SPECC1: variants seen among roughly 807,000 people sequenced by gnomAD.
SPECC1 encodes the protein sperm antigen with calponin homology and coiled-coil domains 1.
In SPECC1, 62 loss-of-function variants were observed where a neutral mutation model predicts 104.1. That is an observed-to-expected ratio of 0.60 (90% CI 0.49 to 0.74). SPECC1 has a LOEUF of 0.74. Ranked by LOEUF, SPECC1 falls within the 30% of genes least tolerant of loss-of-function variation. The pLI, the probability that SPECC1 is intolerant of heterozygous loss-of-function variation, is 0.00. For missense variants in SPECC1, 1,306 were observed against 1,310.5 expected, an observed-to-expected ratio of 1.00 and a Z score of 0.05; for synonymous variants, 513 against 501.6, an observed-to-expected ratio of 1.02 and a Z score of -0.30.
At chr17:20,071,142 C>T (rs1282259360) in intron 1 of SPECC1, among the ~76,000 whole-genome samples, 1 of 152,084 alleles carries the variant, frequency 6.6e-6, no homozygotes, top group Non-Finnish European at 1.5e-5. Context: ...AGCAATCCTC[C>T]CTCCTCAGCC....
At chr17:20,307,425 A>G (rs1213054908) in intron 14 of SPECC1, among the ~76,000 whole-genome samples, 2 of 152,048 alleles carry the variant, frequency 1.3e-5, no homozygotes, top group African/African-American at 4.8e-5. Context: ...CATCACTTCC[A>G]CCTACAGGGC....
At chr17:20,162,504 A>G (rs755946538) in intron 3 of SPECC1, among the ~76,000 whole-genome samples, 2 of 152,176 alleles carry the variant, frequency 1.3e-5, no homozygotes, top group Non-Finnish European at 2.9e-5. Context: ...GAAGAGTAAT[A>G]TAACCTACAT....
chr17:20,183,246 C>G (rs913340281), intron 3 of SPECC1, among the ~76,000 whole-genome samples: 1 of 152,086 alleles, frequency 6.6e-6, no homozygotes, highest in Non-Finnish European at 1.5e-5. Context: ...AACAATTACT[C>G]CTATATGTCT....
At chr17:20,102,507 G>A (rs1350912395) in intron 2 of SPECC1, among the ~76,000 whole-genome samples, 1 of 152,196 alleles carries the variant, frequency 6.6e-6, no homozygotes, top group Non-Finnish European at 1.5e-5. Flanking sequence ...TACCCACAGT[G>A]CAGCATAAAA....
rs1166913618 is a variant in SPECC1 at position 20,204,629 on chromosome 17, T to C, written c.580T>C (p.Tyr194His). The C allele has an allele frequency of 6.2e-7, 1 of 1,614,042 alleles. No homozygotes were observed. The highest frequency in any genetic ancestry group is 2.2e-5 in the East Asian group (1 of 44,876). ...INRLRSELKK[Y>H]KEKRTLNAEG... ...CAGGCTTCGAAGTGAACTAAAGAAATACAAAGAGAAAAGGACTCTGAACGC... is the reference window on the plus strand; with the variant it reads ...CAGGCTTCGAAGTGAACTAAAGAAACACAAAGAGAAAAGGACTCTGAACGC... The change falls in exon 4 of 15, where the codon TAC (tyrosine) becomes CAC (histidine). Residue 194 changes from tyrosine to histidine, a missense_variant. By Grantham distance (83) the Tyr-to-His change is moderately conservative. This residue lies in a region of SPECC1 where 1,177 missense variants were observed against 1,139.9 expected (regional missense o/e 1.03). Transcript: ENST00000395527.
chr17:20,255,384 G>A (rs2151577079), intron 10 of SPECC1, among the ~76,000 whole-genome samples: 1 of 152,322 alleles, frequency 6.6e-6, no homozygotes, highest in Admixed American at 6.5e-5. Flanking sequence ...ACAAAAGAGG[G>A]AATAATTTGA....
intron 7 of SPECC1, among the ~76,000 whole-genome samples, chr17:20,236,442 A>G (rs538529264): frequency 1.1e-3 from 174 of 152,288 alleles, no homozygotes; most frequent in African/African-American, 3.5e-3. Flanking sequence ...GATTTCAACA[A>G]TGTGGACATA....
At chr17:20,148,176 A>T (rs1413940321) in intron 3 of SPECC1, among the ~76,000 whole-genome samples, 1 of 152,248 alleles carries the variant, frequency 6.6e-6, no homozygotes, top group Non-Finnish European at 1.5e-5. Context: ...TATATGTATT[A>T]GAGTTTATTA....
rs117989199 is a variant in SPECC1, at chr17:20,165,979, C to T, written c.284-38354C>T. ...TGGATAGCTTGCAAAAATGTTCTCC[C>T]ATTCTGTAGGTAGCAGTATCCTTCT... is the stretch of plus-strand genomic sequence containing the variant. On this transcript the variant is annotated intron_variant, in intron 3 of 14. Transcript: ENST00000395527. 1.1e-4 allele frequency among the ~76,000 whole-genome samples: 16 copies of T among 152,184 alleles called. No individual in the cohort carries two copies. In the East Asian group the frequency reaches 2.9e-3, roughly 28 times the overall value.
Position 20,124,132 on chromosome 17 carries a change from G to A in SPECC1, c.283+13570G>A, listed in dbSNP as rs956647738. Among the ~76,000 whole-genome samples the A allele has an allele frequency of 2.8e-4, 42 of 152,140 alleles. 1 individual carries two copies. The highest frequency in any genetic ancestry group is 5.9e-5 in the Non-Finnish European group (4 of 68,016). On this transcript the variant is annotated intron_variant, in intron 3 of 14. Coordinates refer to ENST00000395527, the MANE Select transcript of SPECC1 (RefSeq NM_001243439.2). ...GAGGGCCATGAGCCAGGGATGTCAGGGAATGGGGAGAATGGGGTGGGGATG... is the reference window on the plus strand; with the variant it reads ...GAGGGCCATGAGCCAGGGATGTCAGAGAATGGGGAGAATGGGGTGGGGATG...
chr17:20,095,492 T>C (rs972466258), intron 1 of SPECC1, among the ~76,000 whole-genome samples: 5 of 152,130 alleles, frequency 3.3e-5, no homozygotes, highest in African/African-American at 1.2e-4. Flanking sequence ...ACTGTTTCAA[T>C]AGGGTCGGGA....
chr17:20,095,690 A>G (rs1482794441), intron 1 of SPECC1: 3 of 152,280 alleles, frequency 2.0e-5, no homozygotes, highest in South Asian at 2.1e-4. Flanking sequence ...CACCCTGTGC[A>G]CTGTGAGAGT....
Position 20,157,941 on chromosome 17 carries a change from G to C in SPECC1, c.284-46392G>C, listed in dbSNP as rs530701657. On this transcript the variant is annotated intron_variant, in intron 3 of 14. Coordinates refer to ENST00000395527, the MANE Select transcript of SPECC1 (RefSeq NM_001243439.2). Reference sequence around the variant, plus strand: ...AGCCTCCCAAGTAGCTGAGACTACAGACAAATGCCACCTTGCCTGGCTAGA... The same window carrying C: ...AGCCTCCCAAGTAGCTGAGACTACACACAAATGCCACCTTGCCTGGCTAGA... 1.4e-3 allele frequency among the ~76,000 whole-genome samples: 206 copies of C among 152,320 alleles called. 1 individual carries two copies. The highest frequency in any genetic ancestry group is 4.8e-3 in the African/African-American group (198 of 41,560).
At chr17:20,011,307 T>C (rs2043934818) in intron 1 of SPECC1, among the ~76,000 whole-genome samples, 2 of 152,298 alleles carry the variant, frequency 1.3e-5, no homozygotes, top group Admixed American at 1.3e-4. Flanking sequence ...ATTTTTTTCA[T>C]GATCATTTAT....
intron 1 of SPECC1, among the ~76,000 whole-genome samples, chr17:20,016,944 C>T (rs1358729032): frequency 1.3e-5 from 2 of 152,244 alleles, no homozygotes; most frequent in Non-Finnish European, 2.9e-5. Flanking sequence ...GTAAATACAC[C>T]AGTCAGCACC....
At chr17:20,284,469 G>T (rs2040876432) in intron 12 of SPECC1, among the ~76,000 whole-genome samples, 1 of 152,262 alleles carries the variant, frequency 6.6e-6, no homozygotes, top group South Asian at 2.1e-4. Flanking sequence ...TCTGAGATCA[G>T]AACAGAGGTA....
At chr17:20,161,126 G>C (rs1302437600) in intron 3 of SPECC1, among the ~76,000 whole-genome samples, 1 of 152,200 alleles carries the variant, frequency 6.6e-6, no homozygotes, top group Non-Finnish European at 1.5e-5. Context: ...CAGGAGAATC[G>C]CTTGAGCCCG....
At chr17:20,153,646 G>T (rs2032210141) in intron 3 of SPECC1, among the ~76,000 whole-genome samples, 1 of 152,216 alleles carries the variant, frequency 6.6e-6, no homozygotes, top group Non-Finnish European at 1.5e-5. Context: ...AGGAGTCCAG[G>T]TTGGGTTGGG....
intron 12 of SPECC1, among the ~76,000 whole-genome samples, chr17:20,281,975 G>A (rs1242465498): frequency 6.6e-6 from 1 of 152,226 alleles, no homozygotes. Context: ...GCGGGGCTTC[G>A]CCTGCGTTCG....
Sources: gnomAD v4.1 joint callset for allele counts (sites outside exome capture counted in the v4.1 genomes callset) on GRCh38, gnomAD v4.1.1 for gene constraint, gnomAD v4.1.1 regional missense constraint, MANE v1.5 for transcripts, NCBI Gene and HGNC (gene_info 2026-07-23, HGNC 2026-07-21) for gene names.